TMEM63C: variants seen among roughly 807,000 people sequenced by gnomAD.
TMEM63C encodes the protein transmembrane protein 63C.
A neutral mutation model predicts 99.2 loss-of-function variants in TMEM63C; 32 were observed. The observed-to-expected ratio is 0.32, with a 90% CI of 0.24 to 0.43. The LOEUF (loss-of-function observed/expected upper bound fraction) is 0.43, where lower values mean the gene tolerates loss of function less well. TMEM63C is among the 20% of genes least tolerant of loss of function. TMEM63C has a pLI of 1.00. For synonymous variants in TMEM63C, 376 were observed against 397.9 expected, an observed-to-expected ratio of 0.94 and a Z score of 0.66; for missense variants, 826 against 1,053.0, an observed-to-expected ratio of 0.78 and a Z score of 2.98.
chr14:77,248,110 G>T (rs1441129104), intron 18 of TMEM63C, among the ~76,000 whole-genome samples: 1 of 152,136 alleles, frequency 6.6e-6, no homozygotes, highest in African/African-American at 2.4e-5. Flanking sequence ...GCTTTATGTG[G>T]TCCCTGCCCC....
intron 1 of TMEM63C, among the ~76,000 whole-genome samples, chr14:77,185,807 C>G (rs903996345): frequency 6.6e-6 from 1 of 152,194 alleles, no homozygotes; most frequent in South Asian, 2.1e-4. Context: ...TACCTGCTCA[C>G]TTCACTTCCG....
In TMEM63C at chr14:77,200,329, A is replaced by G. The variant is rs934151906; in HGVS notation, c.-76-13117A>G. On this transcript the variant is annotated intron_variant, in intron 1 of 23. Transcript: ENST00000298351. ...CTAAGATGTGGATCCACCACGAGTCATGGAGGTTGTGCCAGCCACCACCCC... is the reference window on the plus strand; with the variant it reads ...CTAAGATGTGGATCCACCACGAGTCGTGGAGGTTGTGCCAGCCACCACCCC... Among the ~76,000 whole-genome samples the G allele has an allele frequency of 7.9e-5, 12 of 152,180 alleles. No individual in the cohort carries two copies. The East Asian group carries it at 1.7e-3, about 22-fold the overall frequency.
intron 16 of TMEM63C, among the ~76,000 whole-genome samples, chr14:77,245,683 T>A (rs1470282016): frequency 6.6e-6 from 1 of 152,140 alleles, no homozygotes; most frequent in Non-Finnish European, 1.5e-5. Context: ...AACTCCCCCT[T>A]GTAATACCAT....
Position 77,256,798 on chromosome 14 carries a change from G to A in TMEM63C, c.*72G>A, listed in dbSNP as rs1889471304. On this transcript the variant is annotated 3_prime_UTR_variant, in exon 24 of 24. Coordinates refer to ENST00000298351, the MANE Select transcript of TMEM63C (RefSeq NM_020431.4). ...GGGCCTGGCAAGGGGAGGCAGGAGGGTGGCCTGGACCTCCCCACTACCTCC... is the reference window on the plus strand; with the variant it reads ...GGGCCTGGCAAGGGGAGGCAGGAGGATGGCCTGGACCTCCCCACTACCTCC... 14 of 1,483,666 alleles carry A rather than the reference G, an allele frequency of 9.4e-6. No homozygotes were observed. In the South Asian group the frequency reaches 1.6e-4, roughly 17 times the overall value. The allele number at this position is 1,483,666 out of a possible 1,614,324, so 91.9% of individuals were successfully genotyped here.
rs868161403 is a variant in TMEM63C at position 77,257,163 on chromosome 14, G to A, written c.*437G>A. The stretch of plus-strand genomic sequence containing the variant: ...TGCTGCTGCTCCTCCTCCCAGCCCC[G>A]GCCCATTCCTCCCCTGCAGTCTGAG... On this transcript the variant is annotated 3_prime_UTR_variant, in exon 24 of 24. Coordinates refer to ENST00000298351, the MANE Select transcript of TMEM63C (RefSeq NM_020431.4). The A allele has an allele frequency of 5.2e-5, 9 of 172,876 alleles. No individual in the cohort carries two copies. The South Asian group carries it at 6.0e-4, about 11-fold the overall frequency. The allele number at this position is 172,876 out of a possible 1,614,324, so 10.7% of individuals were successfully genotyped here. A position where few individuals can be genotyped will look rare whatever the true frequency, so the allele number is the denominator to read the frequency against.
chr14:77,199,526 C>G (rs1888262973), intron 1 of TMEM63C, among the ~76,000 whole-genome samples: 1 of 152,184 alleles, frequency 6.6e-6, no homozygotes, highest in Non-Finnish European at 1.5e-5. Flanking sequence ...TCATTTGTCC[C>G]TCTGCCTGGA....
rs1460405813 is a variant in TMEM63C, at chr14:77,236,369, G to A, written c.543-255G>A. 7.3e-5 allele frequency among the ~76,000 whole-genome samples: 2 copies of A among 27,424 alleles called. 1 individual carries two copies. Among genetic ancestry groups the A allele is most frequent in the Admixed American group, 5.8e-4 (2 of 3,452 alleles). 18.0% of individuals were successfully genotyped at this position (27,424 alleles called of 152,430 possible). The stretch of plus-strand genomic sequence containing the variant: ...GCAGACTGTGGTGGGTGGGGGGTAT[G>A]GGCAGACTGGTGGGGGGGTATGGGG... On this transcript the variant is annotated intron_variant, in intron 8 of 23. Coordinates refer to ENST00000298351, the MANE Select transcript of TMEM63C (RefSeq NM_020431.4).
chr14:77,248,638 C>G, intron 19 of TMEM63C, 129 bp downstream of exon 19: 2 of 1,493,964 alleles, frequency 1.3e-6, no homozygotes, highest in Non-Finnish European at 1.8e-6. Context: ...GGTGGGGCAC[C>G]TTGGTCTACA....
chr14:77,223,284 G>A (rs1888758192), intron 5 of TMEM63C, among the ~76,000 whole-genome samples: 1 of 152,146 alleles, frequency 6.6e-6, no homozygotes, highest in East Asian at 1.9e-4. Context: ...AGCAGTGAGG[G>A]GGACAAACTG....
chr14:77,193,610 G>A (rs576748406), intron 1 of TMEM63C, among the ~76,000 whole-genome samples: 6 of 152,200 alleles, frequency 3.9e-5, no homozygotes, highest in East Asian at 3.9e-4. Flanking sequence ...CGAGGCGGGC[G>A]GATCACCTGA....
intron 5 of TMEM63C, 70 bp downstream of exon 5, chr14:77,220,157 A>G: frequency 7.0e-7 from 1 of 1,423,132 alleles, no homozygotes; most frequent in South Asian, 1.2e-5. Flanking sequence ...GTGCACAGGA[A>G]GAAACACGGC....
chr14:77,230,506 C>T (rs138782512), intron 6 of TMEM63C, among the ~76,000 whole-genome samples: 1 of 152,286 alleles, frequency 6.6e-6, no homozygotes, highest in South Asian at 2.1e-4. Flanking sequence ...GGCCACAGAT[C>T]GATACCTGTT....
At chr14:77,186,620 G>A (rs942155645) in intron 1 of TMEM63C, among the ~76,000 whole-genome samples, 4 of 152,122 alleles carry the variant, frequency 2.6e-5, no homozygotes, top group African/African-American at 9.7e-5. Context: ...GAGGCCAGAA[G>A]GTTTAGTCTG....
At chr14:77,209,971 GGGA>G (rs1482387577) in intron 1 of TMEM63C, among the ~76,000 whole-genome samples, 1 of 152,094 alleles carries the variant, frequency 6.6e-6, no homozygotes, top group Non-Finnish European at 1.5e-5. Flanking sequence ...GAGATTGCAT[GGGA>G]GGAGAATATA....
At chr14:77,233,306 G>A in intron 7 of TMEM63C, 146 bp from the exon 8 acceptor site, 1 of 764,154 alleles carries the variant, frequency 1.3e-6, no homozygotes, top group South Asian at 1.7e-5. Flanking sequence ...GTTAAAAGTT[G>A]GGGAGAAGCT....
intron 1 of TMEM63C, among the ~76,000 whole-genome samples, chr14:77,188,240 C>T (rs148512513): frequency 1.3e-5 from 2 of 152,328 alleles, no homozygotes; most frequent in African/African-American, 4.8e-5. Context: ...CACTTTGAGT[C>T]TATCTCTTCT....
In TMEM63C at chr14:77,231,880, C is replaced by T. The variant is rs188988950; in HGVS notation, c.493+150C>T. 1.2e-3 allele frequency: 1,167 copies of T among 936,420 alleles called. 5 individuals carry two copies. Among genetic ancestry groups the T allele is most frequent in the Non-Finnish European group, 1.1e-3 (665 of 630,306 alleles). The allele number at this position is 936,420 out of a possible 1,614,324, so 58.0% of individuals were successfully genotyped here. On this transcript the variant is annotated intron_variant, in intron 7 of 23. Coordinates refer to ENST00000298351, the MANE Select transcript of TMEM63C (RefSeq NM_020431.4). Reference sequence around the variant, plus strand: ...GTGTGAACTTGAACAAACCATGCTTCGCTTCTCTCATGTGGAGACTGGAGA... The same window carrying T: ...GTGTGAACTTGAACAAACCATGCTTTGCTTCTCTCATGTGGAGACTGGAGA...
rs1236397689 is a variant in TMEM63C, at chr14:77,258,634, G to C, written c.*1908G>C. On this transcript the variant is annotated 3_prime_UTR_variant, in exon 24 of 24. Transcript: ENST00000298351. The stretch of plus-strand genomic sequence containing the variant: ...GGAAAGTACGCTGTTACAGCATAGC[G>C]GTCAGGCCCAGCAGGAGCTTGGCAC... 6.6e-6 allele frequency: 1 copy of C among 152,350 alleles called. No individual in the cohort carries two copies. Among genetic ancestry groups the C allele is most frequent in the Non-Finnish European group, 1.5e-5 (1 of 68,150 alleles). The allele number at this position is 152,350 out of a possible 1,614,324, so 9.4% of individuals were successfully genotyped here.
At chr14:77,210,063 C>T (rs555808219) in intron 1 of TMEM63C, among the ~76,000 whole-genome samples, 2 of 152,266 alleles carry the variant, frequency 1.3e-5, no homozygotes, top group East Asian at 3.9e-4. Context: ...CCAAATCTCT[C>T]CACCCTCTCT....
Sources: gnomAD v4.1 joint callset for allele counts (sites outside exome capture counted in the v4.1 genomes callset) on GRCh38, gnomAD v4.1.1 for gene constraint, MANE v1.5 for transcripts, NCBI Gene and HGNC (gene_info 2026-07-23, HGNC 2026-07-21) for gene names.